Variants in DMD observed in about 807,000 individuals in gnomAD.
DMD encodes the protein mutant dystrophin.
A neutral mutation model predicts 330.1 loss-of-function variants in DMD; 63 were observed. The ratio of observed to expected loss-of-function variants is 0.19; its 90% CI spans 0.16 to 0.24. The LOEUF (loss-of-function observed/expected upper bound fraction) is 0.24, where lower values mean the gene tolerates loss of function less well. Ranked by LOEUF, DMD falls within the 10% of genes least tolerant of loss-of-function variation. The pLI, the probability that DMD is intolerant of heterozygous loss-of-function variation, is 1.00. For synonymous variants in DMD, 1,223 were observed against 959.8 expected, an observed-to-expected ratio of 1.27 and a Z score of -5.07; for missense variants, 3,344 against 2,684.1, an observed-to-expected ratio of 1.25 and a Z score of -5.43.
intron 34 of DMD, among the ~76,000 whole-genome samples, chrX:32,376,075 T>C (rs150408249): frequency 9.0e-6 from 1 of 110,708 alleles, no homozygotes; most frequent in African/African-American, 3.3e-5. Context: ...AGGTCAGGAG[T>C]TCGAGACCAG....
intron 55 of DMD, among the ~76,000 whole-genome samples, chrX:31,532,304 G>A (rs1351754124): frequency 1.4e-5 from 1 of 72,752 alleles, no homozygotes; most frequent in East Asian, 5.1e-4. Flanking sequence ...AACCCTACAA[G>A]CCAGAAGAGA....
chrX:31,457,296 G>T (rs1224477563), intron 59 of DMD, among the ~76,000 whole-genome samples: 6 of 111,145 alleles, frequency 5.4e-5, no homozygotes, highest in Non-Finnish European at 1.1e-4. Flanking sequence ...ATTTTTAAGG[G>T]TCACGCTATC....
chrX:32,112,197 T>A (rs752239135), intron 44 of DMD, among the ~76,000 whole-genome samples: 57 of 111,908 alleles, frequency 5.1e-4, no homozygotes, highest in African/African-American at 1.7e-3. Flanking sequence ...TAAAGAAGAA[T>A]GCTCTAGACC....
chrX:31,904,738 A>G (rs2405532), intron 47 of DMD, among the ~76,000 whole-genome samples: 49,922 of 110,069 alleles, frequency 0.45, 8,456 homozygotes, highest in African/African-American at 0.56. Flanking sequence ...ATGAGACCCT[A>G]GCCCTGGCCA....
chrX:32,790,669 C>A (rs1412782357), intron 7 of DMD, among the ~76,000 whole-genome samples: 1 of 111,644 alleles, frequency 9.0e-6, no homozygotes, highest in Non-Finnish European at 1.9e-5. Context: ...CCTCCCCTGC[C>A]CAACAGAGGG....
Position 33,020,123 on chromosome X carries a change from A to T in DMD, c.93+16T>A. On this transcript the variant is annotated intron_variant, in intron 2 of 78. Coordinates refer to ENST00000357033, the MANE Select transcript of DMD (RefSeq NM_004006.3). ...ACAACTTAGATCTTAAAAGTAAAGT[A>T]ACAAACCATTCTTACCTTAGAAAAT... 1 of 1,174,185 alleles carries T rather than the reference A, an allele frequency of 8.5e-7. No individual in the cohort carries two copies. The highest frequency in any genetic ancestry group is 1.2e-6 in the Non-Finnish European group (1 of 865,773).
At chrX:31,191,761 C>A (rs1056404208) in intron 67 of DMD, among the ~76,000 whole-genome samples, 2 of 111,518 alleles carry the variant, frequency 1.8e-5, no homozygotes, top group Non-Finnish European at 3.8e-5. Flanking sequence ...AGCGTGAAAA[C>A]GGACTAATAC....
At chrX:31,669,793 C>T (rs1263389920) in intron 53 of DMD, among the ~76,000 whole-genome samples, 1 of 106,344 alleles carries the variant, frequency 9.4e-6, no homozygotes, top group Non-Finnish European at 1.9e-5. Flanking sequence ...GACTATTCTA[C>T]ATCCCTTGCA....
At chrX:32,412,295 G>A (rs1316973644) in intron 29 of DMD, 37 of 833,724 alleles carry the variant, frequency 4.4e-5, no homozygotes, top group East Asian at 7.7e-5. Flanking sequence ...TAGGGTCATC[G>A]TCATCACAAT....
intron 2 of DMD, among the ~76,000 whole-genome samples, chrX:33,010,856 G>T (rs1213697753): frequency 1.8e-5 from 2 of 110,960 alleles, no homozygotes; most frequent in Non-Finnish European, 3.8e-5. Context: ...CTCAAAGTGT[G>T]GTTCTTTGGC....
rs757597466 is a variant in DMD at position 33,009,498 on chromosome X, GTA to G, written c.93+10639_93+10640del. ...TATGTGTATACACATGTGTGTATAT[GTA>G]TATGTGTATATACACATATGTGTGT... On this transcript the variant is annotated intron_variant, in intron 2 of 78. Coordinates refer to ENST00000357033, the MANE Select transcript of DMD (RefSeq NM_004006.3). 2.2e-4 allele frequency among the ~76,000 whole-genome samples: 19 copies of G among 87,700 alleles called. 2 individuals are homozygous for G. Among genetic ancestry groups the G allele is most frequent in the South Asian group, 5.1e-4 (1 of 1,966 alleles). 76.2% of individuals were successfully genotyped at this position (87,700 alleles called of 115,157 possible).
At chrX:33,216,037 CT>C (rs202057887), upstream of DMD, among the ~76,000 whole-genome samples, 1,089 of 111,573 alleles carry the variant, frequency 9.8e-3, 15 homozygotes, top group African/African-American at 0.034. Flanking sequence ...TTGGATTAGT[CT>C]TTTCTAATGA....
At chrX:31,419,708 A>C (rs192383015) in intron 60 of DMD, among the ~76,000 whole-genome samples, 2 of 111,839 alleles carry the variant, frequency 1.8e-5, no homozygotes. Flanking sequence ...CTGCTTAATT[A>C]GTACTTGTGA....
At chrX:32,842,351 C>CA (rs1448618693) in intron 4 of DMD, among the ~76,000 whole-genome samples, 1 of 112,411 alleles carries the variant, frequency 8.9e-6, no homozygotes, top group Non-Finnish European at 1.9e-5. Flanking sequence ...AGCATGCACA[C>CA]ACTCCTCCAA....
At chrX:32,493,354 A>G (rs1460021129) in intron 19 of DMD, among the ~76,000 whole-genome samples, 2 of 111,494 alleles carry the variant, frequency 1.8e-5, no homozygotes, top group Non-Finnish European at 3.8e-5. Context: ...ATCGTCAACT[A>G]TTTTCCCCTC....
At chrX:32,476,131 A>C (rs1157014578) in intron 21 of DMD, among the ~76,000 whole-genome samples, 2 of 110,988 alleles carry the variant, frequency 1.8e-5, no homozygotes, top group African/African-American at 3.3e-5. Flanking sequence ...GATGAATCAT[A>C]AGCTTCATAA....
chrX:32,530,884 A>T (rs1344351569), intron 17 of DMD, among the ~76,000 whole-genome samples: 3 of 112,149 alleles, frequency 2.7e-5, no homozygotes, highest in African/African-American at 6.5e-5. Flanking sequence ...CATACAATAT[A>T]ATATACTCAA....
chrX:31,707,922 G>C (rs1280511585), intron 52 of DMD, among the ~76,000 whole-genome samples: 1 of 111,385 alleles, frequency 9.0e-6, no homozygotes, highest in African/African-American at 3.3e-5. Flanking sequence ...AAAGTAGATG[G>C]TAAAAATAAA....
chrX:31,857,380 G>GA (rs57685055), intron 48 of DMD, among the ~76,000 whole-genome samples: 2,073 of 36,652 alleles, frequency 0.057, 343 homozygotes, highest in African/African-American at 0.085. Flanking sequence ...CTCCACCTCG[G>GA]AAAAAAAAAA....
Sources: allele counts gnomAD v4.1 joint callset (sites outside exome capture counted in the v4.1 genomes callset), GRCh38; gene constraint gnomAD v4.1.1; transcripts MANE v1.5; gene names NCBI Gene and HGNC (gene_info 2026-07-23, HGNC 2026-07-21).